The following PRKG1 variants were observed in gnomAD, a reference collection of about 807,000 sequenced individuals.
PRKG1 encodes the protein protein kinase cGMP-dependent 1.
A neutral mutation model predicts 88.1 loss-of-function variants in PRKG1; 35 were observed. The observed-to-expected ratio is 0.40, with a 90% CI of 0.30 to 0.53. PRKG1 has a LOEUF of 0.53. Ranked by LOEUF, PRKG1 falls within the 20% of genes least tolerant of loss-of-function variation. The pLI, the probability that PRKG1 is intolerant of heterozygous loss-of-function variation, is 0.59. For synonymous variants in PRKG1, 303 were observed against 292.5 expected, an observed-to-expected ratio of 1.04 and a Z score of -0.37; for missense variants, 540 against 839.8, an observed-to-expected ratio of 0.64 and a Z score of 4.41.
intron 5 of PRKG1, among the ~76,000 whole-genome samples, chr10:51,933,804 A>G (rs1842744004): frequency 6.6e-6 from 1 of 151,628 alleles, no homozygotes; most frequent in Non-Finnish European, 1.5e-5. Flanking sequence ...TTTAATAATA[A>G]GAAGAAGAAG....
intron 2 of PRKG1, among the ~76,000 whole-genome samples, chr10:51,212,218 G>A (rs1324850263): frequency 1.3e-5 from 2 of 151,748 alleles, no homozygotes; most frequent in African/African-American, 4.8e-5. Flanking sequence ...AATGGGGAAA[G>A]GATTCCCTAT....
intron 2 of PRKG1, among the ~76,000 whole-genome samples, chr10:51,171,966 T>G (rs1350109714): frequency 6.6e-6 from 1 of 151,950 alleles, no homozygotes. Context: ...TAGGCTATAT[T>G]TTAATGTATC....
intron 3 of PRKG1, among the ~76,000 whole-genome samples, chr10:51,626,745 G>C (rs1180696356): frequency 6.6e-6 from 1 of 152,028 alleles, no homozygotes; most frequent in Non-Finnish European, 1.5e-5. Flanking sequence ...CATCATCTTG[G>C]GGACTGATTG....
intron 2 of PRKG1, among the ~76,000 whole-genome samples, chr10:51,463,550 CTACCTTAA>C (rs1160854552): frequency 2.6e-5 from 4 of 152,156 alleles, no homozygotes; most frequent in African/African-American, 9.7e-5. Context: ...GGCCTCATGA[CTACCTTAA>C]TACTTTAAAG....
Position 51,129,508 on chromosome 10 carries a change from C to T in PRKG1, c.312-23656C>T, listed in dbSNP as rs1442046670. 2.6e-5 allele frequency among the ~76,000 whole-genome samples: 4 copies of T among 151,850 alleles called. No homozygotes were observed. In the South Asian group the frequency reaches 6.3e-4, roughly 24 times the overall value. ...AAAACATAAACAGGAATATTTCCAA[C>T]TATCTGCCTGCAAAAGCCTTGAAGT... On this transcript the variant is annotated intron_variant, in intron 1 of 17. Transcript: ENST00000373980.
At chr10:51,411,289 C>A (rs1480595459) in intron 2 of PRKG1, among the ~76,000 whole-genome samples, 1 of 152,128 alleles carries the variant, frequency 6.6e-6, no homozygotes, top group African/African-American at 2.4e-5. Context: ...GCCTGAGCCA[C>A]GGCAAGTGGC....
chr10:52,228,910 T>C (rs1300849727), intron 9 of PRKG1, among the ~76,000 whole-genome samples: 67 of 152,238 alleles, frequency 4.4e-4, no homozygotes, highest in Non-Finnish European at 1.5e-4. Flanking sequence ...TGGCTTATCA[T>C]GTCAGTTCGT....
intron 9 of PRKG1, among the ~76,000 whole-genome samples, chr10:52,246,292 TAAC>T (rs564804595): frequency 1.3e-5 from 2 of 152,188 alleles, no homozygotes; most frequent in Non-Finnish European, 2.9e-5. Context: ...GGAAATATAA[TAAC>T]TAATGACTAT....
At chr10:51,505,508 C>G (rs1841171086) in intron 3 of PRKG1, among the ~76,000 whole-genome samples, 1 of 152,130 alleles carries the variant, frequency 6.6e-6, no homozygotes, top group African/African-American at 2.4e-5. Context: ...GGAGGATTCC[C>G]TCTTTTTCTG....
intron 2 of PRKG1, among the ~76,000 whole-genome samples, chr10:51,283,487 T>G (rs995051121): frequency 1.3e-5 from 2 of 152,132 alleles, no homozygotes; most frequent in African/African-American, 4.8e-5. Context: ...ATTGGGCCAT[T>G]ATATTTTTTT....
chr10:51,788,717 T>C (rs1214387913), intron 3 of PRKG1, among the ~76,000 whole-genome samples: 1 of 152,150 alleles, frequency 6.6e-6, no homozygotes, highest in South Asian at 2.1e-4. Context: ...GTTCACAAAT[T>C]ATGGCTGTGG....
At chr10:51,629,522 T>A (rs1839471023) in intron 3 of PRKG1, among the ~76,000 whole-genome samples, 1 of 151,736 alleles carries the variant, frequency 6.6e-6, no homozygotes, top group Admixed American at 6.6e-5. Flanking sequence ...CATAATCTCA[T>A]TTTGATTGCT....
At chr10:51,007,524 C>A (rs1466332637) in intron 1 of PRKG1, among the ~76,000 whole-genome samples, 1 of 152,160 alleles carries the variant, frequency 6.6e-6, no homozygotes, top group African/African-American at 2.4e-5. Flanking sequence ...CCCTTCTAGG[C>A]CATAAGCACA....
intron 9 of PRKG1, among the ~76,000 whole-genome samples, chr10:52,203,132 C>T (rs566314526): frequency 6.6e-6 from 1 of 152,104 alleles, no homozygotes; most frequent in African/African-American, 2.4e-5. Context: ...GACCTTCTAA[C>T]TTTTTAATGT....
intron 3 of PRKG1, among the ~76,000 whole-genome samples, chr10:51,768,275 A>G (rs2132540209): frequency 6.6e-6 from 1 of 152,230 alleles, no homozygotes; most frequent in South Asian, 2.1e-4. Context: ...AGATTTTTAT[A>G]TCAGGTTTTT....
intron 7 of PRKG1, among the ~76,000 whole-genome samples, chr10:52,068,152 G>A (rs1242208580): frequency 3.2e-5 from 3 of 94,258 alleles, no homozygotes; most frequent in Non-Finnish European, 7.5e-5. Flanking sequence ...GCAGTGAGTC[G>A]AGATCGCGCC....
At chr10:50,992,799 G>C (rs200203299) in intron 1 of PRKG1, among the ~76,000 whole-genome samples, 1 of 151,856 alleles carries the variant, frequency 6.6e-6, no homozygotes. Context: ...AGACTCCAAA[G>C]CCATTACTGG....
intron 1 of PRKG1, among the ~76,000 whole-genome samples, chr10:51,040,721 T>C (rs1454668488): frequency 6.6e-6 from 1 of 152,182 alleles, no homozygotes; most frequent in South Asian, 2.1e-4. Flanking sequence ...GTAGCTATTG[T>C]AAATGGGATT....
intron 4 of PRKG1, among the ~76,000 whole-genome samples, chr10:51,837,474 C>A: frequency 6.6e-6 from 1 of 151,986 alleles, no homozygotes; most frequent in African/African-American, 2.4e-5. Context: ...TTTTTAAATT[C>A]CTGCCATAAA....
Sources: allele counts gnomAD v4.1 joint callset (sites outside exome capture counted in the v4.1 genomes callset), GRCh38; gene constraint gnomAD v4.1.1; transcripts MANE v1.5; gene names NCBI Gene and HGNC (gene_info 2026-07-23, HGNC 2026-07-21).